TENM3: variants seen among roughly 807,000 people sequenced by gnomAD.
TENM3 encodes teneurin-3.
TENM3 carries 63 observed loss-of-function variants against 255.1 expected under a neutral mutation model. The observed-to-expected ratio is 0.25, with a 90% CI of 0.20 to 0.30. TENM3 has a LOEUF of 0.30. TENM3 is among the 10% of genes least tolerant of loss of function. The pLI is 1.00. For synonymous variants in TENM3, 1,306 were observed against 1,322.3 expected, an observed-to-expected ratio of 0.99 and a Z score of 0.27; for missense variants, 2,929 against 3,461.1, an observed-to-expected ratio of 0.85 and a Z score of 3.86.
chr4:181,473,529 C>G, the TENM3 span, among the ~76,000 whole-genome samples: 1 of 151,844 alleles, frequency 6.6e-6, no homozygotes, highest in Non-Finnish European at 1.5e-5. Context: ...GAGGTTGCGG[C>G]TGCAGTGAGC....
At chr4:182,343,598 A>G (rs886569522) in intron 2 of TENM3, among the ~76,000 whole-genome samples, 1 of 152,030 alleles carries the variant, frequency 6.6e-6, no homozygotes, top group African/African-American at 2.4e-5. Context: ...CTGCACTGCC[A>G]TAAAGCCCTC....
chr4:182,529,509 A>T (rs912436127), intron 3 of TENM3, among the ~76,000 whole-genome samples: 1 of 152,148 alleles, frequency 6.6e-6, no homozygotes, highest in East Asian at 1.9e-4. Context: ...TGAATCCAGG[A>T]TGAGTTTTTA....
At chr4:182,756,959 A>G (rs989426194) in intron 22 of TENM3, among the ~76,000 whole-genome samples, 1 of 152,210 alleles carries the variant, frequency 6.6e-6, no homozygotes, top group Non-Finnish European at 1.5e-5. Context: ...GAAGCAAAAA[A>G]GAGCACAAGA....
chr4:182,120,222 T>C, the TENM3 span, among the ~76,000 whole-genome samples: 7 of 152,192 alleles, frequency 4.6e-5, no homozygotes, highest in Non-Finnish European at 1.0e-4. Flanking sequence ...TCCTTACCAT[T>C]GTGTTACAAC....
chr4:181,699,939 G>A, the TENM3 span, among the ~76,000 whole-genome samples: 9 of 152,280 alleles, frequency 5.9e-5, no homozygotes, highest in South Asian at 2.1e-4. Context: ...ACAAATGAGC[G>A]TAGCATTCCT....
intron 3 of TENM3, among the ~76,000 whole-genome samples, chr4:182,464,939 G>A (rs984273709): frequency 6.6e-6 from 1 of 151,990 alleles, no homozygotes; most frequent in Admixed American, 6.6e-5. Context: ...TTCCCTTCCT[G>A]TGTTCATTCT....
the TENM3 span, among the ~76,000 whole-genome samples, chr4:181,721,069 T>A: frequency 6.6e-6 from 1 of 151,566 alleles, no homozygotes; most frequent in Admixed American, 6.6e-5. Context: ...AACTCCTGAA[T>A]TTATGACTGA....
chr4:182,700,623 T>G (rs1757777366), intron 12 of TENM3, among the ~76,000 whole-genome samples: 2 of 152,164 alleles, frequency 1.3e-5, no homozygotes, highest in South Asian at 2.1e-4. Flanking sequence ...ATGACTATCA[T>G]TTCTGGGATT....
At chr4:181,801,018 C>T in the TENM3 span, among the ~76,000 whole-genome samples, 2 of 152,036 alleles carry the variant, frequency 1.3e-5, no homozygotes, top group African/African-American at 2.4e-5. Flanking sequence ...TGTGTTATGG[C>T]GAGTTGGGAA....
At chr4:182,171,626 ACCC>A (rs1431669499) in intron 1 of TENM3, among the ~76,000 whole-genome samples, 1 of 152,142 alleles carries the variant, frequency 6.6e-6, no homozygotes, top group Non-Finnish European at 1.5e-5. Context: ...AAAATTTATA[ACCC>A]AGATAGATTG....
the TENM3 span, among the ~76,000 whole-genome samples, chr4:181,839,673 C>A: frequency 6.6e-6 from 1 of 150,810 alleles, no homozygotes; most frequent in Non-Finnish European, 1.5e-5. Flanking sequence ...TTTGGGGGTG[C>A]TTTTTCACTA....
At chr4:182,284,822 G>A (rs2150292803) in intron 1 of TENM3, among the ~76,000 whole-genome samples, 1 of 152,298 alleles carries the variant, frequency 6.6e-6, no homozygotes, top group Middle Eastern at 3.4e-3. Flanking sequence ...CGGCGATAGA[G>A]GAGAGAGACA....
chr4:181,635,327 G>A, the TENM3 span, among the ~76,000 whole-genome samples: 1 of 152,160 alleles, frequency 6.6e-6, no homozygotes, highest in Non-Finnish European at 1.5e-5. Context: ...AAACACTGAT[G>A]TGCTAATCAT....
At chr4:181,553,294 TGTGTA>T in the TENM3 span, among the ~76,000 whole-genome samples, 529 of 115,354 alleles carry the variant, frequency 4.6e-3, 4 homozygotes, top group African/African-American at 0.017. Flanking sequence ...TGTGTGTGTG[TGTGTA>T]GTGTGTGTGT....
the TENM3 span, among the ~76,000 whole-genome samples, chr4:181,954,192 T>A: frequency 3.3e-5 from 5 of 152,216 alleles, no homozygotes; most frequent in African/African-American, 1.2e-4. Flanking sequence ...ATTTTCAGGT[T>A]GTTTCCAATT....
At position 182,622,625 on chromosome 4, in the gene TENM3, G is replaced by T. The variant is rs192499745; in HGVS notation, c.750-6026G>T. On this transcript the variant is annotated intron_variant, in intron 4 of 27. Transcript: ENST00000511685. ...AATAAAGCTAAAACACACATCCCAG[G>T]CTTGCTTTTTGGTTTTTATAATTTC... Among the ~76,000 whole-genome samples, 462 of 152,172 alleles carry T rather than the reference G, an allele frequency of 3.0e-3. 2 individuals carry two copies. The highest frequency in any genetic ancestry group is 0.014 in the Middle Eastern group (4 of 294).
intron 3 of TENM3, among the ~76,000 whole-genome samples, chr4:182,519,256 G>T (rs1738313186): frequency 6.6e-6 from 1 of 152,014 alleles, no homozygotes; most frequent in South Asian, 2.1e-4. Context: ...TAAGTAAACT[G>T]CATTATTCAA....
intron 1 of TENM3, among the ~76,000 whole-genome samples, chr4:182,275,741 A>G (rs1457171263): frequency 6.6e-6 from 1 of 152,102 alleles, no homozygotes; most frequent in African/African-American, 2.4e-5. Flanking sequence ...GTTTGAGACC[A>G]GCCTGGGCAG....
chr4:182,286,487 C>G (rs1760734760), intron 1 of TENM3, among the ~76,000 whole-genome samples: 1 of 152,178 alleles, frequency 6.6e-6, no homozygotes. Flanking sequence ...CAAACTGCAT[C>G]TCCACAACGC....
Sources: gnomAD v4.1 joint callset for allele counts (sites outside exome capture counted in the v4.1 genomes callset) on GRCh38, gnomAD v4.1.1 for gene constraint, MANE v1.5 for transcripts, NCBI Gene and HGNC (gene_info 2026-07-23, HGNC 2026-07-21) for gene names.